HHIP: variants seen among roughly 807,000 people sequenced by gnomAD.
HHIP encodes the protein hedgehog interacting protein.
Under a neutral mutation model 74.0 loss-of-function variants are expected in HHIP, and 12 were observed. The ratio of observed to expected loss-of-function variants is 0.16; its 90% CI spans 0.10 to 0.26. HHIP has a LOEUF of 0.26. HHIP is among the 10% of genes least tolerant of loss of function. The probability of loss-of-function intolerance (pLI) is 1.00; values close to 1 mark genes in which losing one functional copy is unlikely to be tolerated. For synonymous variants in HHIP, 309 were observed against 311.6 expected (o/e 0.99, Z 0.09); for missense variants, 788 against 845.0 (o/e 0.93, Z 0.84).
intron 4 of HHIP, among the ~76,000 whole-genome samples, chr4:144,668,006 A>G (rs1728923221): frequency 6.6e-6 from 1 of 152,046 alleles, no homozygotes; most frequent in Admixed American, 6.5e-5. Context: ...AGAAATTATT[A>G]TTATTATTAT....
chr4:144,674,895 C>T (rs1487188017), intron 4 of HHIP, among the ~76,000 whole-genome samples: 1 of 152,126 alleles, frequency 6.6e-6, no homozygotes, highest in African/African-American at 2.4e-5. Context: ...AGTAGGTCTG[C>T]TAGAAACTTG....
rs1206168944 is a variant in HHIP at position 144,659,762 on chromosome 4, A to G, written c.755A>G (p.Lys252Arg). 1.2e-6 allele frequency: 2 copies of G among 1,612,696 alleles called. No individual in the cohort carries two copies. ...ATTCTGGAAAAAGAAGGTTATGTGA[A>G]GATACTTACCCCTGAAGGAGAAATT... ...LFILEKEGYV[K>R]ILTPEGEIFK... The change falls in exon 4 of 13, where the codon AAG becomes AGG. Residue 252 changes from lysine to arginine, a missense_variant. Lys to Arg is a conservative substitution (Grantham distance 26, BLOSUM62 2). This residue lies in a region of HHIP where 373 missense variants were observed against 366.4 expected (regional missense o/e 1.02). Coordinates refer to ENST00000296575, the MANE Select transcript of HHIP (RefSeq NM_022475.3).
intron 4 of HHIP, among the ~76,000 whole-genome samples, chr4:144,692,510 T>C (rs565562586): frequency 6.6e-6 from 1 of 152,322 alleles, no homozygotes; most frequent in South Asian, 2.1e-4. Flanking sequence ...TTCTCATCCT[T>C]GAAGTCTCAA....
At chr4:144,652,453 A>C in intron 1 of HHIP, 152 bp from the exon 2 acceptor site, 2 of 596,000 alleles carry the variant, frequency 3.4e-6, no homozygotes, top group South Asian at 4.2e-5. Context: ...ATCCTTATAA[A>C]GGCATTCTGT....
At chr4:144,717,694 A>G (rs996886174) in intron 10 of HHIP, among the ~76,000 whole-genome samples, 2 of 152,152 alleles carry the variant, frequency 1.3e-5, no homozygotes, top group Non-Finnish European at 2.9e-5. Flanking sequence ...CACAGCTAGC[A>G]TCAAGAGTTA....
chr4:144,708,287 C>T lies in HHIP; in HGVS notation c.1277C>T (p.Ala426Val). The stretch of plus-strand genomic sequence containing the variant: ...ACCAACCAGCCCCCCGAAGTGTTTG[C>T]TCATGGGCTCCACGATCCAGGCAGG... Reference protein sequence around the residue: ...NSTNQPPEVFAHGLHDPGRCA... With the variant: ...NSTNQPPEVFVHGLHDPGRCA... Residue 426 changes from alanine (A) to valine (V), a missense_variant, in exon 7 of 13, where the codon GCT becomes GTT. Physicochemically the swap from Ala to Val is moderately conservative, Grantham distance 64 (BLOSUM62 0). Transcript: ENST00000296575. 6.2e-7 allele frequency: 1 copy of T among 1,614,120 alleles called. No individual in the cohort carries two copies. Among genetic ancestry groups the T allele is most frequent in the Non-Finnish European group, 8.5e-7 (1 of 1,180,016 alleles).
rs111375400 is a variant in HHIP at position 144,709,141 on chromosome 4, A to T, written c.1301+830A>T. Among the ~76,000 whole-genome samples the T allele has an allele frequency of 9.3e-3, 1,412 of 152,272 alleles. 27 individuals are homozygous for T. Among genetic ancestry groups the T allele is most frequent in the African/African-American group, 0.032 (1,325 of 41,552 alleles). On this transcript the variant is annotated intron_variant, in intron 7 of 12. Transcript: ENST00000296575. Reference sequence around the variant, plus strand: ...TATTATTACCATTTAATGTTTATTGAGTGTTCACTATGTGCAAGGTGAATA... The same window carrying T: ...TATTATTACCATTTAATGTTTATTGTGTGTTCACTATGTGCAAGGTGAATA...
At chr4:144,704,546 T>G (rs1327060966) in intron 4 of HHIP, among the ~76,000 whole-genome samples, 4 of 152,242 alleles carry the variant, frequency 2.6e-5, no homozygotes, top group Non-Finnish European at 5.9e-5. Context: ...TAATTCTACA[T>G]TCTTAATTCC....
intron 1 of HHIP, chr4:144,648,825 T>C (rs978789972): frequency 1.3e-5 from 2 of 152,126 alleles, no homozygotes; most frequent in Non-Finnish European, 2.9e-5. Context: ...ATATAAAAAT[T>C]TTTTTAAAGA....
chr4:144,687,403 T>C (rs1729520846), intron 4 of HHIP, among the ~76,000 whole-genome samples: 2 of 152,124 alleles, frequency 1.3e-5, no homozygotes, highest in Non-Finnish European at 2.9e-5. Flanking sequence ...CTACATGGCT[T>C]TGGTTTAGAG....
Position 144,646,553 on chromosome 4 carries a change from T to C in HHIP, c.-123T>C. The C allele has an allele frequency of 1.0e-6, 1 of 959,898 alleles. No homozygotes were observed. Among genetic ancestry groups the C allele is most frequent in the East Asian group, 2.4e-5 (1 of 41,330 alleles). 59.5% of individuals were successfully genotyped at this position (959,898 alleles called of 1,614,324 possible). Reference sequence around the variant, plus strand: ...CATATTTTTGTCCCCGCCACCTCCCTCTGTCTCTGGAGTGCCCTACAGCCC... The same window carrying C: ...CATATTTTTGTCCCCGCCACCTCCCCCTGTCTCTGGAGTGCCCTACAGCCC... On this transcript the variant is annotated 5_prime_UTR_variant, in exon 1 of 13. Coordinates refer to ENST00000296575, the MANE Select transcript of HHIP (RefSeq NM_022475.3).
At chr4:144,683,338 C>T (rs983272575) in intron 4 of HHIP, among the ~76,000 whole-genome samples, 3 of 152,114 alleles carry the variant, frequency 2.0e-5, no homozygotes, top group Admixed American at 6.5e-5. Context: ...AATAATAAGT[C>T]GGTATTTTAT....
intron 10 of HHIP, among the ~76,000 whole-genome samples, chr4:144,716,906 G>A (rs1170624778): frequency 7.6e-6 from 1 of 131,900 alleles, no homozygotes; most frequent in East Asian, 2.4e-4. Context: ...AATGGTTTGT[G>A]TCTGAGTTAG....
chr4:144,685,901 G>A (rs372986249), intron 4 of HHIP, among the ~76,000 whole-genome samples: 1 of 152,126 alleles, frequency 6.6e-6, no homozygotes, highest in African/African-American at 2.4e-5. Context: ...GGACTTTCCA[G>A]TCCACCCAAA....
At chr4:144,708,533 G>T (rs1293579037) in intron 7 of HHIP, among the ~76,000 whole-genome samples, 2 of 152,156 alleles carry the variant, frequency 1.3e-5, no homozygotes, top group Non-Finnish European at 2.9e-5. Context: ...ACAACGAAAA[G>T]GACAAATTCA....
At chr4:144,714,999 A>G in intron 9 of HHIP, 1 of 239,390 alleles carries the variant, frequency 4.2e-6, no homozygotes, top group South Asian at 6.0e-5. Context: ...TCTGATTAAT[A>G]GCACAGCATG....
intron 4 of HHIP, among the ~76,000 whole-genome samples, chr4:144,694,250 A>G (rs373965419): frequency 2.6e-5 from 4 of 151,970 alleles, no homozygotes; most frequent in African/African-American, 9.6e-5. Flanking sequence ...AATCTATTGC[A>G]TAACTCTTCA....
chr4:144,714,417 C>T, intron 9 of HHIP, 69 bp downstream of exon 9: 1 of 1,458,862 alleles, frequency 6.9e-7, no homozygotes, highest in Non-Finnish European at 9.6e-7. Flanking sequence ...TGGCAAACTG[C>T]CACAAAATAT....
At chr4:144,724,668 G>GTATA (rs1019334862) in intron 11 of HHIP, among the ~76,000 whole-genome samples, 3 of 106,972 alleles carry the variant, frequency 2.8e-5, no homozygotes, top group Admixed American at 2.3e-4. Flanking sequence ...GTGTGTGTGT[G>GTATA]TATATATATA....
Sources: gnomAD v4.1 joint callset for allele counts (sites outside exome capture counted in the v4.1 genomes callset) on GRCh38, gnomAD v4.1.1 for gene constraint, gnomAD v4.1.1 regional missense constraint, MANE v1.5 for transcripts, NCBI Gene and HGNC (gene_info 2026-07-23, HGNC 2026-07-21) for gene names.